Variants in LY6S observed in about 807,000 individuals in gnomAD.
The protein encoded by LY6S is lymphocyte antigen 6 family member S, also known as lymphocyte antigen 6S.
chr8:143,070,446 GTATA>G, the LY6S span, among the ~76,000 whole-genome samples: 1,051 of 69,488 alleles, frequency 0.015, 53 homozygotes, highest in Middle Eastern at 0.02. Context: ...TATATATATT[GTATA>G]TATATATATA....
At chr8:143,068,010 AC>A in the LY6S span, among the ~76,000 whole-genome samples, 1 of 152,124 alleles carries the variant, frequency 6.6e-6, no homozygotes, top group Admixed American at 6.5e-5. Context: ...TCCCTCTTTC[AC>A]TACTCCTCCT....
the LY6S span, among the ~76,000 whole-genome samples, chr8:143,048,143 C>T: frequency 6.6e-6 from 1 of 152,206 alleles, no homozygotes; most frequent in African/African-American, 2.4e-5. Context: ...GGTACCGTGG[C>T]AGTGCCAGGC....
the LY6S span, among the ~76,000 whole-genome samples, chr8:143,073,097 GT>G: frequency 8.2e-6 from 1 of 121,324 alleles, no homozygotes; most frequent in African/African-American, 3.8e-5. Context: ...CGTCCCCGGG[GT>G]TCCTGTTTGA....
At chr8:143,050,862 C>G in the LY6S span, among the ~76,000 whole-genome samples, 1 of 152,206 alleles carries the variant, frequency 6.6e-6, no homozygotes, top group South Asian at 2.1e-4. Flanking sequence ...GATGCCCACA[C>G]TGCCACCTAA....
the LY6S span, among the ~76,000 whole-genome samples, chr8:143,071,545 ATG>A: frequency 1.3e-5 from 2 of 152,216 alleles, no homozygotes; most frequent in African/African-American, 4.8e-5. Flanking sequence ...AATAGGAGAA[ATG>A]TGAGACAGGG....
At chr8:143,071,005 CGTGTGGTGGGG>C in the LY6S span, among the ~76,000 whole-genome samples, 3 of 152,064 alleles carry the variant, frequency 2.0e-5, no homozygotes, top group African/African-American at 7.2e-5. Flanking sequence ...CTTGTTTTTA[CGTGTGGTGGGG>C]AAAGGAAGGT....
At chr8:143,063,099 C>A in the LY6S span, among the ~76,000 whole-genome samples, 3 of 152,260 alleles carry the variant, frequency 2.0e-5, no homozygotes, top group African/African-American at 7.2e-5. Context: ...CTGTTTGGAG[C>A]AAGCTTATGC....
the LY6S span, among the ~76,000 whole-genome samples, chr8:143,052,142 G>A: frequency 8.0e-5 from 12 of 150,416 alleles, no homozygotes; most frequent in Non-Finnish European, 1.6e-4. Context: ...TTAGCCAGGC[G>A]TGGTGGCGGG....
chr8:143,063,564 T>C, the LY6S span, among the ~76,000 whole-genome samples: 1 of 152,244 alleles, frequency 6.6e-6, no homozygotes, highest in Non-Finnish European at 1.5e-5. Flanking sequence ...TTTCTGTTGG[T>C]TACCAGGTTG....
chr8:143,065,366 T>A, the LY6S span, among the ~76,000 whole-genome samples: 1 of 152,160 alleles, frequency 6.6e-6, no homozygotes, highest in Non-Finnish European at 1.5e-5. Flanking sequence ...CACCATGAGC[T>A]CATTTCCCTT....
the LY6S span, chr8:143,043,377 C>A: frequency 1.6e-6 from 1 of 619,568 alleles, no homozygotes; most frequent in Non-Finnish European, 2.4e-6. Flanking sequence ...AGGGCCCTGC[C>A]CCGGGGCCTC....
the LY6S span, chr8:143,049,379 G>A: frequency 2.8e-5 from 13 of 464,670 alleles, no homozygotes; most frequent in African/African-American, 2.6e-4. Context: ...AGTGGTCAGA[G>A]AGTGGAACTG....
the LY6S span, chr8:143,042,946 G>A: frequency 7.8e-7 from 1 of 1,273,980 alleles, no homozygotes; most frequent in East Asian, 4.6e-5. Flanking sequence ...GCAGGGATAT[G>A]TTCCCTGACA....
At chr8:143,044,059 G>A in the LY6S span, 1 of 447,916 alleles carries the variant, frequency 2.2e-6, no homozygotes, top group South Asian at 1.6e-5. Flanking sequence ...TGCTGAGGGT[G>A]CTGAGGGTGC....
the LY6S span, among the ~76,000 whole-genome samples, chr8:143,058,881 T>A: frequency 4.5e-3 from 693 of 152,340 alleles, 4 homozygotes; most frequent in African/African-American, 0.016. Flanking sequence ...ACTCTTGTCT[T>A]CCGGTCTCAC....
At chr8:143,073,706 A>G in the LY6S span, among the ~76,000 whole-genome samples, 121 of 68,932 alleles carry the variant, frequency 1.8e-3, no homozygotes, top group Middle Eastern at 0.013. Flanking sequence ...CGTTGTCCCC[A>G]GGGCTCCTGT....
chr8:143,056,062 C>T, the LY6S span, among the ~76,000 whole-genome samples: 9 of 151,444 alleles, frequency 5.9e-5, no homozygotes, highest in African/African-American at 1.5e-4. Context: ...ATTTCCCAGG[C>T]GTGCCTCATC....
the LY6S span, among the ~76,000 whole-genome samples, chr8:143,070,719 T>C: frequency 6.6e-6 from 1 of 151,530 alleles, no homozygotes; most frequent in South Asian, 2.1e-4. Flanking sequence ...ACTCCCGACC[T>C]CGTGATCCAC....
chr8:143,052,920 A>C, the LY6S span, among the ~76,000 whole-genome samples: 1 of 152,228 alleles, frequency 6.6e-6, no homozygotes, highest in Admixed American at 6.5e-5. Context: ...AGACCTGTTA[A>C]TCAAACCTGA....
Sources: gnomAD v4.1 joint callset for allele counts (sites outside exome capture counted in the v4.1 genomes callset) on GRCh38, gnomAD v4.1.1 for gene constraint, MANE v1.5 for transcripts, NCBI Gene and HGNC (gene_info 2026-07-23, HGNC 2026-07-21) for gene names.